BMP2K: variants seen among roughly 807,000 people sequenced by gnomAD.
BMP2K encodes the protein BMP2 inducible kinase.
A neutral mutation model predicts 116.0 loss-of-function variants in BMP2K; 74 were observed. The ratio of observed to expected loss-of-function variants is 0.64; its 90% CI spans 0.53 to 0.77. BMP2K has a LOEUF of 0.77. Among genes scored for constraint, BMP2K ranks in the 30% least tolerant of loss-of-function variants. The pLI, the probability that BMP2K is intolerant of heterozygous loss-of-function variation, is 0.00. For missense variants in BMP2K, 1,365 were observed against 1,403.6 expected (o/e 0.97, Z 0.44); for synonymous variants, 486 against 502.5 (o/e 0.97, Z 0.44).
chr4:78,894,352 T>C (rs560268494), intron 15 of BMP2K, among the ~76,000 whole-genome samples: 129 of 152,336 alleles, frequency 8.5e-4, no homozygotes, highest in African/African-American at 2.9e-3. Flanking sequence ...ATCTGTTGTT[T>C]AGTGTAGCCA....
chr4:78,899,660 T>C (rs2110092420), intron 15 of BMP2K, among the ~76,000 whole-genome samples: 1 of 152,194 alleles, frequency 6.6e-6, no homozygotes, highest in African/African-American at 2.4e-5. Flanking sequence ...AAAGAATTTT[T>C]TTTTTTTTTC....
chr4:78,856,064 A>G (rs1041071861), intron 7 of BMP2K, among the ~76,000 whole-genome samples: 1 of 152,166 alleles, frequency 6.6e-6, no homozygotes, highest in African/African-American at 2.4e-5. Flanking sequence ...TATTTTGTTA[A>G]TAGATGATAT....
chr4:78,791,191 A>C (rs1463735068), intron 1 of BMP2K, among the ~76,000 whole-genome samples: 4 of 152,102 alleles, frequency 2.6e-5, no homozygotes, highest in African/African-American at 9.7e-5. Context: ...TCCTTCATTA[A>C]TTGACTTTTC....
intron 15 of BMP2K, among the ~76,000 whole-genome samples, chr4:78,895,567 G>T (rs952633567): frequency 6.6e-6 from 1 of 151,938 alleles, no homozygotes; most frequent in Non-Finnish European, 1.5e-5. Context: ...AAAAAAAGAG[G>T]TAATGAAATA....
At chr4:78,874,175 TCACACACA>T (rs148882911) in intron 13 of BMP2K, among the ~76,000 whole-genome samples, 1 of 148,304 alleles carries the variant, frequency 6.7e-6, no homozygotes, top group Non-Finnish European at 1.5e-5. Context: ...AGACTCCATC[TCACACACA>T]CACACACACA....
rs2109906937 is a variant in BMP2K at position 78,776,360 on chromosome 4, G to A, written c.-184G>A. 2.1e-6 allele frequency: 1 copy of A among 482,904 alleles called. No homozygotes were observed. Among genetic ancestry groups the A allele is most frequent in the Admixed American group, 5.7e-5 (1 of 17,472 alleles). 29.9% of individuals were successfully genotyped at this position (482,904 alleles called of 1,614,324 possible). A position where few individuals can be genotyped will look rare whatever the true frequency, so the allele number is the denominator to read the frequency against. On this transcript the variant is annotated 5_prime_UTR_variant, in exon 1 of 16. Transcript: ENST00000502613. Reference sequence around the variant, plus strand: ...CTGCGGGAGCCGGGCAGCTGCAGCGGAGCCGCGGAGCGGGCGGCGGGGCCC... The same window carrying A: ...CTGCGGGAGCCGGGCAGCTGCAGCGAAGCCGCGGAGCGGGCGGCGGGGCCC...
At chr4:78,870,536 C>T (rs1209355527) in intron 10 of BMP2K, among the ~76,000 whole-genome samples, 1 of 152,156 alleles carries the variant, frequency 6.6e-6, no homozygotes, top group East Asian at 1.9e-4. Context: ...CATGGAGAGC[C>T]GAAGTATGAA....
intron 1 of BMP2K, among the ~76,000 whole-genome samples, chr4:78,811,777 A>G (rs1411930736): frequency 5.3e-5 from 8 of 152,158 alleles, no homozygotes; most frequent in Admixed American, 1.3e-4. Flanking sequence ...CTCTCGGCCA[A>G]TTTATAAAAT....
chr4:78,776,760 G>A, intron 1 of BMP2K, 39 bp downstream of exon 1: 2 of 1,246,292 alleles, frequency 1.6e-6, no homozygotes, highest in Non-Finnish European at 2.0e-6. Context: ...GCAGGTGAGG[G>A]AGGGTTGGGG....
intron 3 of BMP2K, among the ~76,000 whole-genome samples, chr4:78,839,639 A>G (rs913544638): frequency 6.6e-5 from 10 of 152,184 alleles, no homozygotes; most frequent in Non-Finnish European, 1.3e-4. Flanking sequence ...GGAGCTTTAT[A>G]TGTATATAAA....
At chr4:78,907,983 C>T (rs1259671487) in intron 15 of BMP2K, among the ~76,000 whole-genome samples, 12 of 152,068 alleles carry the variant, frequency 7.9e-5, no homozygotes, top group African/African-American at 2.9e-4. Context: ...CCCTTCTTCC[C>T]ATATTTTGCT....
chr4:78,898,470 A>G (rs1397625982), intron 15 of BMP2K, among the ~76,000 whole-genome samples: 3 of 151,736 alleles, frequency 2.0e-5, no homozygotes, highest in Non-Finnish European at 4.4e-5. Context: ...GGCAGGGGCT[A>G]TCATGATATG....
chr4:78,847,153 T>C, intron 5 of BMP2K, 35 bp from the exon 6 acceptor site: 3 of 1,167,732 alleles, frequency 2.6e-6, no homozygotes, highest in Non-Finnish European at 3.5e-6. Context: ...TATATATATA[T>C]ATATCTCCAC....
At chr4:78,827,292 A>G (rs1030206943) in intron 2 of BMP2K, among the ~76,000 whole-genome samples, 3 of 151,926 alleles carry the variant, frequency 2.0e-5, no homozygotes, top group East Asian at 1.9e-4. Flanking sequence ...TTGCATAAGC[A>G]AAGCCCGGTC....
At chr4:78,797,343 T>C (rs1470731885) in intron 1 of BMP2K, among the ~76,000 whole-genome samples, 1 of 152,174 alleles carries the variant, frequency 6.6e-6, no homozygotes, top group African/African-American at 2.4e-5. Context: ...AATCAGTCCA[T>C]TATGAATATC....
intron 15 of BMP2K, among the ~76,000 whole-genome samples, chr4:78,904,911 G>T (rs1560556386): frequency 6.6e-6 from 1 of 151,820 alleles, no homozygotes; most frequent in Non-Finnish European, 1.5e-5. Context: ...CTACAATAAT[G>T]AATCTTTGAA....
intron 2 of BMP2K, among the ~76,000 whole-genome samples, chr4:78,827,715 T>A (rs72862511): frequency 0.025 from 3,835 of 152,124 alleles, 135 homozygotes; most frequent in African/African-American, 0.082. Context: ...TAAAAAAACC[T>A]CAAACACAGG....
intron 1 of BMP2K, among the ~76,000 whole-genome samples, chr4:78,816,417 C>T (rs1729354910): frequency 6.6e-6 from 1 of 152,066 alleles, no homozygotes; most frequent in Non-Finnish European, 1.5e-5. Flanking sequence ...CTTGGTGAAT[C>T]AATTTTTAAA....
At chr4:78,871,538 G>C (rs1732356285) in intron 11 of BMP2K, among the ~76,000 whole-genome samples, 1 of 152,156 alleles carries the variant, frequency 6.6e-6, no homozygotes, top group Non-Finnish European at 1.5e-5. Flanking sequence ...TTAGTGTAAT[G>C]GGGCTTGGTT....
Sources: gnomAD v4.1 joint callset for allele counts (sites outside exome capture counted in the v4.1 genomes callset) on GRCh38, gnomAD v4.1.1 for gene constraint, MANE v1.5 for transcripts, NCBI Gene and HGNC (gene_info 2026-07-23, HGNC 2026-07-21) for gene names.